CAPN6: variants seen among roughly 807,000 people sequenced by gnomAD.
The protein encoded by CAPN6 is calpain 6, also known as calpain-6.
CAPN6 carries 16 observed loss-of-function variants against 46.0 expected under a neutral mutation model. That is an observed-to-expected ratio of 0.35 (90% CI 0.24 to 0.53). CAPN6 has a LOEUF of 0.53. Ranked by LOEUF, CAPN6 falls within the 20% of genes least tolerant of loss-of-function variation. CAPN6 has a pLI of 0.94. For synonymous variants in CAPN6, 206 were observed against 172.8 expected, an observed-to-expected ratio of 1.19 and a Z score of -1.51; for missense variants, 461 against 498.0, an observed-to-expected ratio of 0.93 and a Z score of 0.71.
chrX:111,247,811 A>G, intron 11 of CAPN6, 60 bp downstream of exon 11: 3 of 1,157,948 alleles, frequency 2.6e-6, no homozygotes, highest in Non-Finnish European at 3.5e-6. Context: ...CATGTTTTCT[A>G]ACTTATGTGC....
In CAPN6 at chrX:111,263,691, G is replaced by T. The variant is rs747551326; in HGVS notation, c.165+81C>A. On this transcript the variant is annotated intron_variant, in intron 2 of 12. Transcript: ENST00000324068. ...ACTTCTAAATTGGTCTACACAGTAG[G>T]CTTTGTAAGTGAAACAGTGGATCAC... is the stretch of plus-strand genomic sequence containing the variant. 1.9e-5 allele frequency: 17 copies of T among 882,615 alleles called. No individual in the cohort carries two copies. In the South Asian group the frequency reaches 4.4e-4, roughly 23 times the overall value. The allele number at this position is 882,615 out of a possible 1,213,427, so 72.7% of individuals were successfully genotyped here.
At chrX:111,267,810 C>A (rs2094993062) in intron 1 of CAPN6, among the ~76,000 whole-genome samples, 1 of 111,127 alleles carries the variant, frequency 9.0e-6, no homozygotes, top group African/African-American at 3.3e-5. Context: ...GAGCAAAAAT[C>A]AAGATAAAAT....
At chrX:111,263,715 A>T in intron 2 of CAPN6, 57 bp downstream of exon 2, 1 of 1,031,460 alleles carries the variant, frequency 9.7e-7, no homozygotes, top group South Asian at 2.3e-5. Context: ...ACAGTGGATC[A>T]CGTAGAAGTA....
At chrX:111,252,147 C>T (rs1157275925) in intron 5 of CAPN6, among the ~76,000 whole-genome samples, 160 bp downstream of exon 5, 1 of 111,940 alleles carries the variant, frequency 8.9e-6, no homozygotes, top group Non-Finnish European at 1.9e-5. Flanking sequence ...AACTAAAGCA[C>T]CTCAGCTTCC....
intron 2 of CAPN6, among the ~76,000 whole-genome samples, chrX:111,257,891 G>A (rs954084249): frequency 9.0e-6 from 1 of 111,530 alleles, no homozygotes; most frequent in African/African-American, 3.3e-5. Flanking sequence ...ATTTTGTCAC[G>A]GCAAAATGAT....
At chrX:111,261,034 C>A (rs1454376496) in intron 2 of CAPN6, among the ~76,000 whole-genome samples, 1 of 112,274 alleles carries the variant, frequency 8.9e-6, no homozygotes, top group African/African-American at 3.2e-5. Flanking sequence ...TAAGCAAACA[C>A]CATGCTCTCA....
chrX:111,249,397 C>G (rs1453239675), intron 8 of CAPN6, among the ~76,000 whole-genome samples: 6 of 110,141 alleles, frequency 5.4e-5, no homozygotes. Context: ...TATTTAAATG[C>G]CATATATAGA....
chrX:111,249,311 G>A (rs1233916967), intron 8 of CAPN6, among the ~76,000 whole-genome samples: 21 of 111,594 alleles, frequency 1.9e-4, no homozygotes, highest in African/African-American at 6.5e-4. Context: ...ATGCCAAAGA[G>A]GATATGCTTT....
chrX:111,247,582 G>A, intron 11 of CAPN6, 78 bp from the exon 12 acceptor site: 1 of 1,027,191 alleles, frequency 9.7e-7, no homozygotes, highest in South Asian at 2.3e-5. Flanking sequence ...ATCTCGCTAA[G>A]CCAATTCTGG....
At position 111,249,136 on chromosome X, in the gene CAPN6, C is replaced by T. The variant is rs113109941; in HGVS notation, c.1159-79G>A. 1.6e-5 allele frequency: 17 copies of T among 1,061,363 alleles called. 1 individual carries two copies. The highest frequency in any genetic ancestry group is 9.3e-5 in the African/African-American group (5 of 53,925). 87.5% of individuals were successfully genotyped at this position (1,061,363 alleles called of 1,213,427 possible). ...CGAGCTTAAATTTCAGGGAATAAAGCTTGTCATTGGGAAGCAGAGCCTTGA... is the reference window on the plus strand; with the variant it reads ...CGAGCTTAAATTTCAGGGAATAAAGTTTGTCATTGGGAAGCAGAGCCTTGA... On this transcript the variant is annotated intron_variant, in intron 8 of 12. Coordinates refer to ENST00000324068, the MANE Select transcript of CAPN6 (RefSeq NM_014289.4).
chrX:111,250,786 T>C, intron 8 of CAPN6, 131 bp downstream of exon 8: 1 of 607,880 alleles, frequency 1.6e-6, no homozygotes. Context: ...GGGATCCTGG[T>C]TGTTGAATAT....
chrX:111,258,047 G>A (rs1267081182), intron 2 of CAPN6, among the ~76,000 whole-genome samples: 2 of 111,509 alleles, frequency 1.8e-5, no homozygotes, highest in Admixed American at 1.9e-4. Context: ...TAGTCTTAAG[G>A]GACTTCTCAT....
At chrX:111,263,586 C>T (rs2094989661) in intron 2 of CAPN6, among the ~76,000 whole-genome samples, 186 bp downstream of exon 2, 1 of 110,463 alleles carries the variant, frequency 9.1e-6, no homozygotes, top group Non-Finnish European at 1.9e-5. Flanking sequence ...TCACATTGAA[C>T]ACCATAACAT....
At chrX:111,268,729 G>C (rs1030796034) in intron 1 of CAPN6, among the ~76,000 whole-genome samples, 3 of 112,496 alleles carry the variant, frequency 2.7e-5, no homozygotes, top group African/African-American at 9.7e-5. Flanking sequence ...TACTTTTCCA[G>C]CCTTTCAAGA....
At chrX:111,248,512 T>C (rs1170848440) in intron 10 of CAPN6, 57 bp downstream of exon 10, 3 of 913,813 alleles carry the variant, frequency 3.3e-6, no homozygotes, top group African/African-American at 3.9e-5. Context: ...TGAAGGGGTT[T>C]AGGATTGGAA....
At chrX:111,255,937 C>A (rs2094983373) in intron 2 of CAPN6, among the ~76,000 whole-genome samples, 1 of 111,734 alleles carries the variant, frequency 8.9e-6, no homozygotes, top group Non-Finnish European at 1.9e-5. Context: ...GGGCTGCAAA[C>A]TGCCTTTGTT....
chrX:111,253,740 A>G (rs1224902076), intron 3 of CAPN6, among the ~76,000 whole-genome samples: 1 of 112,494 alleles, frequency 8.9e-6, no homozygotes, highest in African/African-American at 3.2e-5. Flanking sequence ...ATATTCTAAA[A>G]TTATTTTTTG....
intron 2 of CAPN6, among the ~76,000 whole-genome samples, chrX:111,259,836 C>T (rs769486182): frequency 1.5e-4 from 17 of 111,404 alleles, no homozygotes; most frequent in Non-Finnish European, 2.8e-4. Context: ...TAAGGAAAAA[C>T]GCCAGAGGTG....
intron 11 of CAPN6, among the ~76,000 whole-genome samples, 178 bp downstream of exon 11, chrX:111,247,693 G>T (rs1409178738): frequency 9.0e-6 from 1 of 111,707 alleles, no homozygotes; most frequent in African/African-American, 3.3e-5. Context: ...ATATGAAAAT[G>T]AATCTAATGT....
Sources: allele counts gnomAD v4.1 joint callset (sites outside exome capture counted in the v4.1 genomes callset), GRCh38; gene constraint gnomAD v4.1.1; transcripts MANE v1.5; gene names NCBI Gene and HGNC (gene_info 2026-07-23, HGNC 2026-07-21).